NAV1: variants seen among roughly 807,000 people sequenced by gnomAD.
The protein encoded by NAV1 is pore membrane and/or filament interacting like protein 3.
In NAV1, 18 loss-of-function variants were observed where a neutral mutation model predicts 175.2. The observed-to-expected ratio is 0.10, with a 90% confidence interval of 0.07 to 0.15. The LOEUF (loss-of-function observed/expected upper bound fraction) is 0.15, where lower values mean the gene tolerates loss of function less well. NAV1 is among the 10% of genes least tolerant of loss of function. NAV1 has a pLI of 1.00. For synonymous variants in NAV1, 897 were observed against 978.7 expected, an observed-to-expected ratio of 0.92 and a Z score of 1.56; for missense variants, 1,731 against 2,436.6, an observed-to-expected ratio of 0.71 and a Z score of 6.10.
chr1:201,658,883 G>A (rs1348670013), intron 1 of NAV1, among the ~76,000 whole-genome samples: 3 of 152,228 alleles, frequency 2.0e-5, no homozygotes, highest in South Asian at 2.1e-4. Flanking sequence ...CCAGAGGTTG[G>A]CCCTCTGAGA....
intron 2 of NAV1, among the ~76,000 whole-genome samples, chr1:201,604,399 G>A (rs1002344889): frequency 1.3e-5 from 2 of 152,132 alleles, no homozygotes; most frequent in East Asian, 1.9e-4. Context: ...CTCATGGGCC[G>A]GGTGTACAAC....
intron 2 of NAV1, among the ~76,000 whole-genome samples, chr1:201,642,521 CT>C (rs145876654): frequency 1.0e-5 from 1 of 97,804 alleles, no homozygotes; most frequent in African/African-American, 6.5e-5. Context: ...CTCTTTCTTT[CT>C]TTTTTTCTTT....
intron 3 of NAV1, among the ~76,000 whole-genome samples, chr1:201,757,645 C>G (rs1674597480): frequency 6.6e-6 from 1 of 152,194 alleles, no homozygotes; most frequent in Non-Finnish European, 1.5e-5. Context: ...AATGACATTC[C>G]CCCAAATCAG....
chr1:201,771,258 T>C (rs1486584919), intron 3 of NAV1, among the ~76,000 whole-genome samples: 4 of 79,176 alleles, frequency 5.1e-5, no homozygotes, highest in East Asian at 6.9e-4. Context: ...AAAAAAAACA[T>C]CTGGTGATTT....
At chr1:201,586,269 A>G (rs1667025275) in intron 1 of NAV1, among the ~76,000 whole-genome samples, 1 of 150,616 alleles carries the variant, frequency 6.6e-6, no homozygotes, top group South Asian at 2.2e-4. Context: ...ATTACTAGAG[A>G]CAAAAAGTAA....
chr1:201,623,361 A>AG, exon 1 of NAV1: 3 of 985,916 alleles, frequency 3.0e-6, no homozygotes, highest in Non-Finnish European at 3.6e-6. Context: ...CTCAAATACC[A>AG]GGGGCTCCGG....
In NAV1 at chr1:201,808,680, T is replaced by C; in HGVS notation, c.4039-23T>C. The C allele has an allele frequency of 6.2e-7, 1 of 1,614,252 alleles. No individual in the cohort carries two copies. The highest frequency in any genetic ancestry group is 1.1e-5 in the South Asian group (1 of 91,084). ...TTGCTGTCTGTCCAGTCTGCCACCCTACCCTGTCTGTTCTTGCCACAGTTG... is the reference window on the plus strand; with the variant it reads ...TTGCTGTCTGTCCAGTCTGCCACCCCACCCTGTCTGTTCTTGCCACAGTTG... On this transcript the variant is annotated intron_variant, in intron 19 of 29. Transcript: ENST00000367296. This position sits in a 1 kb window ranked among gnomAD's most constrained non-coding sequence, Gnocchi z 5.5.
At chr1:201,700,092 G>A (rs1671351921) in intron 1 of NAV1, among the ~76,000 whole-genome samples, 1 of 152,112 alleles carries the variant, frequency 6.6e-6, no homozygotes, top group South Asian at 2.1e-4. Context: ...TAGACAAATG[G>A]GATCTAATTA....
At chr1:201,731,006 A>G (rs1240511859) in intron 3 of NAV1, among the ~76,000 whole-genome samples, 1 of 152,176 alleles carries the variant, frequency 6.6e-6, no homozygotes, top group African/African-American at 2.4e-5. Flanking sequence ...CGATGGAACA[A>G]GCACAGGAAA....
intron 3 of NAV1, among the ~76,000 whole-genome samples, chr1:201,734,933 T>A (rs560835605): frequency 6.6e-6 from 1 of 152,268 alleles, no homozygotes; most frequent in East Asian, 1.9e-4. Context: ...GGGTCTACCC[T>A]CTCTCCTGCC....
At chr1:201,596,768 A>C (rs1667357462) in intron 2 of NAV1, among the ~76,000 whole-genome samples, 1 of 152,142 alleles carries the variant, frequency 6.6e-6, no homozygotes. Flanking sequence ...CCCAATGGGA[A>C]GATGTTGGAC....
Position 201,639,709 on chromosome 1 carries a change from C to T in NAV1, c.5-8925C>T, listed in dbSNP as rs144150473. Reference sequence around the variant, plus strand: ...ACAGGCCCTCCCAAGAGCCTTCAACCAGTTTCCACTCCCTCCAGGACGACA... The same window carrying T: ...ACAGGCCCTCCCAAGAGCCTTCAACTAGTTTCCACTCCCTCCAGGACGACA... On this transcript the variant is annotated intron_variant, in intron 2 of 29. Coordinates refer to the NAV1 transcript ENST00000367302. 5.3e-4 allele frequency among the ~76,000 whole-genome samples: 81 copies of T among 152,306 alleles called. 1 individual carries two copies. The highest frequency in any genetic ancestry group is 1.0e-3 in the Non-Finnish European group (70 of 68,030).
At chr1:201,663,062 C>A (rs1326988449) in intron 1 of NAV1, among the ~76,000 whole-genome samples, 3 of 152,188 alleles carry the variant, frequency 2.0e-5, no homozygotes, top group Admixed American at 6.5e-5. Context: ...CTGCTTCTGC[C>A]CCCGGTCCAT....
intron 3 of NAV1, among the ~76,000 whole-genome samples, chr1:201,726,335 A>G (rs973546835): frequency 2.0e-5 from 3 of 152,286 alleles, no homozygotes; most frequent in African/African-American, 7.2e-5. Flanking sequence ...AAGTATAAAG[A>G]GCTGTCAGTT....
exon 30 of NAV1, chr1:201,823,363 C>CGT (rs4025040): frequency 0.16 from 17,904 of 114,992 alleles, 1,304 homozygotes; most frequent in East Asian, 0.36. Context: ...CTGATGTCTG[C>CGT]GTGTGTGTGT....
intron 29 of NAV1, among the ~76,000 whole-genome samples, chr1:201,817,625 G>T (rs1679132932): frequency 6.6e-6 from 1 of 152,126 alleles, no homozygotes; most frequent in Admixed American, 6.6e-5. Context: ...ATATGCCTGA[G>T]ACCTGGCTTA....
intron 1 of NAV1, among the ~76,000 whole-genome samples, chr1:201,577,584 C>A (rs1319077097): frequency 1.4e-5 from 2 of 147,136 alleles, no homozygotes; most frequent in Non-Finnish European, 3.0e-5. Context: ...TGTCAAAAAT[C>A]AGTTGGGCAT....
In NAV1 at chr1:201,764,042, T is replaced by C. The variant is rs142430127; in HGVS notation, c.1227-16379T>C. On this transcript the variant is annotated intron_variant, in intron 3 of 29. Coordinates refer to ENST00000367296, the Ensembl canonical transcript of NAV1. ...CTTGATTTTCTCAATCCATAGCTTC[T>C]ACTGTGCCTAGCAGATGGATTCGGG... Among the ~76,000 whole-genome samples, 492 of 152,320 alleles carry C rather than the reference T, an allele frequency of 3.2e-3. 4 individuals carry two copies. The highest frequency in any genetic ancestry group is 0.011 in the African/African-American group (463 of 41,570).
chr1:201,703,596 A>G (rs896424863), intron 1 of NAV1, among the ~76,000 whole-genome samples: 9 of 152,184 alleles, frequency 5.9e-5, no homozygotes, highest in Non-Finnish European at 7.3e-5. Context: ...GTCCTTTCCT[A>G]ACGTGATCTT....
Sources: gnomAD v4.1 joint callset for allele counts (sites outside exome capture counted in the v4.1 genomes callset) on GRCh38, gnomAD v4.1.1 for gene constraint, Gnocchi (gnomAD v3.1) non-coding constraint, MANE v1.5 for transcripts, NCBI Gene and HGNC (gene_info 2026-07-23, HGNC 2026-07-21) for gene names.